Variants in ZNF397 observed in about 807,000 individuals in gnomAD.
ZNF397 encodes the protein zinc finger and SCAN domain-containing protein 15.
ZNF397 carries 38 observed loss-of-function variants against 50.6 expected under a neutral mutation model. The ratio of observed to expected loss-of-function variants is 0.75; its 90% CI spans 0.58 to 0.98. ZNF397 has a LOEUF of 0.98. ZNF397 is among the 50% of genes least tolerant of loss of function. The pLI is 0.00. For synonymous variants in ZNF397, 228 were observed against 215.2 expected, an observed-to-expected ratio of 1.06 and a Z score of -0.52; for missense variants, 624 against 624.1, an observed-to-expected ratio of 1.00 and a Z score of 0.00.
downstream of ZNF397, chr18:35,252,966 T>C (rs1190067586): frequency 1.3e-5 from 2 of 154,318 alleles, 1 homozygote; most frequent in South Asian, 4.0e-4. Context: ...ATTAAACTAA[T>C]AGCATAATTC....
Position 35,246,366 on chromosome 18 carries a change from T to G in ZNF397, c.*56T>G. Reference sequence around the variant, plus strand: ...TCAGTCAGATTTTTAAGTTTGTTAGTCAAAAGAGTTTACTTTGGAGCAAAA... The same window carrying G: ...TCAGTCAGATTTTTAAGTTTGTTAGGCAAAAGAGTTTACTTTGGAGCAAAA... On this transcript the variant is annotated 3_prime_UTR_variant, in exon 4 of 4. Coordinates refer to ENST00000330501, the MANE Select transcript of ZNF397 (RefSeq NM_001135178.3). The G allele has an allele frequency of 6.8e-7, 1 of 1,469,250 alleles. No homozygotes were observed. Among genetic ancestry groups the G allele is most frequent in the African/African-American group, 1.4e-5 (1 of 70,146 alleles). 91.0% of individuals were successfully genotyped at this position (1,469,250 alleles called of 1,614,324 possible). A position where few individuals can be genotyped will look rare whatever the true frequency, so the allele number is the denominator to read the frequency against.
At chr18:35,253,466 G>A (rs1325550143), downstream of ZNF397, 3 of 1,579,444 alleles carry the variant, frequency 1.9e-6, no homozygotes, top group African/African-American at 4.1e-5. Context: ...TCTGGTGTGT[G>A]TTCTCTGATG....
At position 35,245,851 on chromosome 18, in the gene ZNF397, A is replaced by G. The variant is rs574628427; in HGVS notation, c.1146A>G (p.Ser382=). The G allele has an allele frequency of 6.4e-6, 10 of 1,553,322 alleles. No homozygotes were observed. Among genetic ancestry groups the G allele is most frequent in the African/African-American group, 4.1e-5 (3 of 73,206 alleles). Reference sequence around the variant, plus strand: ...GTGGCAAAGCATTCAGTCAAAGTTCATATCTCATTATACATCAAAGAATTC... The same window carrying G: ...GTGGCAAAGCATTCAGTCAAAGTTCGTATCTCATTATACATCAAAGAATTC... The part of the protein sequence containing the change: ...NECGKAFSQS[S]YLIIHQRIHT... Residue 382 remains serine, a synonymous_variant, in exon 4 of 4, where the codon TCA becomes TCG. Transcript: ENST00000330501.
downstream of ZNF397, chr18:35,253,809 G>A (rs758571037): frequency 1.1e-5 from 17 of 1,614,158 alleles, no homozygotes; most frequent in African/African-American, 5.3e-5. Context: ...TGGATTCTCC[G>A]ATGCCTGATG....
Position 35,246,029 on chromosome 18 carries a change from A to ACT in ZNF397, c.1326_1327dup (p.His443LeufsTer23). ...TTTCAGGCAGAGCTCAGAGCTGATT[A>ACT]CTCATCAGAGAATACATAGTGGAGA... On this transcript the variant is annotated frameshift_variant, in exon 4 of 4. Coordinates refer to ENST00000330501, the MANE Select transcript of ZNF397 (RefSeq NM_001135178.3). LOFTEE classifies it high-confidence loss of function. 1 of 1,568,354 alleles carries ACT rather than the reference A, an allele frequency of 6.4e-7. No homozygotes were observed. Among genetic ancestry groups the ACT allele is most frequent in the South Asian group, 1.2e-5 (1 of 85,348 alleles).
At chr18:35,253,964 G>C (rs760605160), downstream of ZNF397, 1 of 1,614,174 alleles carries the variant, frequency 6.2e-7, no homozygotes, top group Non-Finnish European at 8.5e-7. Flanking sequence ...TCTCTCTCCA[G>C]TATGAATTCT....
chr18:35,255,686 A>G (rs2143659624), intron 5 of ZNF397: 1 of 154,438 alleles, frequency 6.5e-6, no homozygotes, highest in East Asian at 1.9e-4. Flanking sequence ...CAAACACAAC[A>G]ATAAAGCACC....
At position 35,258,303 on chromosome 18, in the gene ZNF397, G is replaced by A. The variant is rs2043909942; in HGVS notation, c.*365G>A. 6 of 296,350 alleles carry A rather than the reference G, an allele frequency of 2.0e-5. No homozygotes were observed. In the South Asian group the frequency reaches 2.5e-4, roughly 12 times the overall value. 18.4% of individuals were successfully genotyped at this position (296,350 alleles called of 1,614,324 possible). A position where few individuals can be genotyped will look rare whatever the true frequency, so the allele number is the denominator to read the frequency against. ...TTGCTAAGTCCAAGGACATTGGAGAGATAGAGTCACTATTACTGATATGGT... is the reference window on the plus strand; with the variant it reads ...TTGCTAAGTCCAAGGACATTGGAGAAATAGAGTCACTATTACTGATATGGT... On this transcript the variant is annotated 3_prime_UTR_variant, in exon 6 of 6. Coordinates refer to the ZNF397 transcript ENST00000261333.
At chr18:35,254,687 A>C, downstream of ZNF397, 1 of 449,054 alleles carries the variant, frequency 2.2e-6, no homozygotes, top group Non-Finnish European at 4.0e-6. Flanking sequence ...GCTAGGAGAC[A>C]ATCTTGGGTT....
rs373534955 is a variant in ZNF397 at position 35,245,223 on chromosome 18, G to A, written c.557-39G>A. The A allele has an allele frequency of 6.8e-5, 104 of 1,525,094 alleles. No individual in the cohort carries two copies. In the African/African-American group the frequency reaches 1.2e-3, roughly 18 times the overall value. 94.5% of individuals were successfully genotyped at this position (1,525,094 alleles called of 1,614,324 possible). ...GTAGAAAGTTTTGACGGTGACAAGA[G>A]AAATGTAATATCTGTTTTTTTGCTA... On this transcript the variant is annotated intron_variant, in intron 3 of 3. Coordinates refer to ENST00000330501, the MANE Select transcript of ZNF397 (RefSeq NM_001135178.3).
chr18:35,242,618 C>A lies in ZNF397; in HGVS notation c.148C>A (p.Arg50Ser), dbSNP rs763139069. The part of the protein sequence containing the change: ...GSTQSCQELF[R>S]QQFRKFCYQE... ...TACTCAATCCTGCCAAGAATTGTTTCGTCAGCAATTCAGAAAATTTTGCTA... is the reference window on the plus strand; with the variant it reads ...TACTCAATCCTGCCAAGAATTGTTTAGTCAGCAATTCAGAAAATTTTGCTA... Residue 50 changes from arginine (R) to serine (S), a missense_variant, in exon 2 of 4, where the codon CGT becomes AGT. Coordinates refer to ENST00000330501, the MANE Select transcript of ZNF397 (RefSeq NM_001135178.3). The A allele has an allele frequency of 1.2e-6, 2 of 1,614,204 alleles. No individual in the cohort carries two copies. The highest frequency in any genetic ancestry group is 1.7e-6 in the Non-Finnish European group (2 of 1,180,040).
downstream of ZNF397, chr18:35,254,472 A>ATTTAT (rs1467256464): frequency 2.5e-6 from 4 of 1,590,274 alleles, no homozygotes; most frequent in African/African-American, 5.4e-5. Flanking sequence ...TGAAATAGGT[A>ATTTAT]TTTATTTATT....
chr18:35,242,547 T>G lies in ZNF397; in HGVS notation c.77T>G (p.Val26Gly). ...GAACAAGAACTAATACTAGTGAAAG[T>G]AGAAGATAACTTTTCCTGGGATGAG... The part of the protein sequence containing the change: ...PPEQELILVK[V>G]EDNFSWDEKF... The change falls in exon 2 of 4, where the codon GTA (valine) becomes GGA (glycine). Residue 26 changes from valine (V) to glycine (G), a missense_variant. Physicochemically the swap from Val to Gly is moderately radical, Grantham distance 109. Coordinates refer to ENST00000330501, the MANE Select transcript of ZNF397 (RefSeq NM_001135178.3). The G allele has an allele frequency of 6.2e-7, 1 of 1,614,180 alleles. No individual in the cohort carries two copies. The highest frequency in any genetic ancestry group is 8.5e-7 in the Non-Finnish European group (1 of 1,180,026).
intron 3 of ZNF397, chr18:35,244,183 G>A (rs910388318): frequency 3.9e-5 from 6 of 154,388 alleles, no homozygotes; most frequent in African/African-American, 1.2e-4. Flanking sequence ...CAGCATTTAA[G>A]TTGTTTTGCA....
rs2043457775 is a variant in ZNF397 at position 35,245,342 on chromosome 18, C to T, written c.637C>T (p.Arg213Ter). Residue 213 changes from arginine (R) to a stop codon, truncating the protein, a stop_gained, in exon 4 of 4, where the codon CGA becomes TGA. Coordinates refer to ENST00000330501, the MANE Select transcript of ZNF397 (RefSeq NM_001135178.3). LOFTEE classifies it high-confidence loss of function. ...GGGACTCCCTCAGGAACCTTCATTT[C>T]GAGGAATTAGTGAGCATGAAAGCAA... ...SQGLPQEPSF[R>*]GISEHESNLV... 1.9e-6 allele frequency: 3 copies of T among 1,612,746 alleles called. No homozygotes were observed. The highest frequency in any genetic ancestry group is 2.2e-5 in the East Asian group (1 of 44,830).
intron 5 of ZNF397, chr18:35,257,914 T>G: frequency 1.3e-6 from 1 of 781,044 alleles, no homozygotes; most frequent in Non-Finnish European, 2.4e-6. Context: ...CCTGCTTCTC[T>G]CTCTCCATTA....
At chr18:35,251,525 C>T (rs1374804045), downstream of ZNF397, 1 of 152,160 alleles carries the variant, frequency 6.6e-6, no homozygotes, top group African/African-American at 2.4e-5. Context: ...TGGTTTGGCT[C>T]TTGTGTCCCC....
At chr18:35,256,778 GT>G (rs1449599364) in intron 5 of ZNF397, among the ~76,000 whole-genome samples, 1 of 141,976 alleles carries the variant, frequency 7.0e-6, no homozygotes, top group African/African-American at 3.0e-5. Flanking sequence ...TGTTGTTGTT[GT>G]TTGTTTGTTT....
At chr18:35,256,543 T>C (rs2043824767) in intron 5 of ZNF397, among the ~76,000 whole-genome samples, 1 of 151,030 alleles carries the variant, frequency 6.6e-6, no homozygotes, top group African/African-American at 2.4e-5. Flanking sequence ...AACAAGACTG[T>C]CTCAAAAAGA....
Sources: gnomAD v4.1 joint callset for allele counts (sites outside exome capture counted in the v4.1 genomes callset) on GRCh38, gnomAD v4.1.1 for gene constraint, MANE v1.5 for transcripts, NCBI Gene and HGNC (gene_info 2026-07-23, HGNC 2026-07-21) for gene names.